ATG5: variants seen among roughly 807,000 people sequenced by gnomAD.
ATG5 encodes autophagy protein 5.
Under a neutral mutation model 36.5 loss-of-function variants are expected in ATG5, and 14 were observed. That is an observed-to-expected ratio of 0.38 (90% CI 0.25 to 0.60). The LOEUF is 0.60. ATG5 is among the 20% of genes least tolerant of loss of function. The probability of loss-of-function intolerance (pLI) is 0.60; values close to 1 mark genes in which losing one functional copy is unlikely to be tolerated. For missense variants in ATG5, 195 were observed against 326.7 expected (o/e 0.60, Z 3.11); for synonymous variants, 95 against 101.5 (o/e 0.94, Z 0.38).
intron 5 of ATG5, among the ~76,000 whole-genome samples, chr6:106,265,168 CAA>C (rs748718301): frequency 9.5e-4 from 54 of 56,704 alleles, no homozygotes; most frequent in East Asian, 1.5e-3. Flanking sequence ...AAATGGAAAG[CAA>C]AAAAAAAAAA....
intron 6 of ATG5, among the ~76,000 whole-genome samples, chr6:106,226,232 G>T (rs1777449110): frequency 6.6e-6 from 1 of 152,074 alleles, no homozygotes; most frequent in Admixed American, 6.5e-5. Flanking sequence ...TAACTTTAGG[G>T]GCCTGTGTGA....
chr6:106,193,658 C>G (rs1314164449), intron 7 of ATG5, among the ~76,000 whole-genome samples: 1 of 152,032 alleles, frequency 6.6e-6, no homozygotes, highest in Non-Finnish European at 1.5e-5. Context: ...CATAAATAAA[C>G]TTTGAAAACA....
intron 6 of ATG5, among the ~76,000 whole-genome samples, chr6:106,244,777 T>A (rs1339697253): frequency 6.6e-6 from 1 of 152,216 alleles, no homozygotes; most frequent in East Asian, 1.9e-4. Flanking sequence ...GGCAGGCAAA[T>A]ATGTGTGTAA....
chr6:106,314,437 A>G (rs1770764532), intron 2 of ATG5, among the ~76,000 whole-genome samples: 1 of 152,100 alleles, frequency 6.6e-6, no homozygotes, highest in African/African-American at 2.4e-5. Flanking sequence ...CATGCCTATA[A>G]TCCTAGTTAC....
intron 6 of ATG5, among the ~76,000 whole-genome samples, chr6:106,226,014 G>A (rs923510284): frequency 6.6e-6 from 1 of 152,112 alleles, no homozygotes; most frequent in Non-Finnish European, 1.5e-5. Context: ...AAACATCTAC[G>A]AAGGCCCTAA....
At chr6:106,250,272 C>A (rs569976291) in intron 5 of ATG5, among the ~76,000 whole-genome samples, 1 of 149,996 alleles carries the variant, frequency 6.7e-6, no homozygotes, top group African/African-American at 2.5e-5. Context: ...AAAATTTCTT[C>A]TTACACCCCT....
intron 5 of ATG5, among the ~76,000 whole-genome samples, chr6:106,269,729 G>A (rs1243527793): frequency 2.6e-5 from 4 of 152,200 alleles, no homozygotes; most frequent in African/African-American, 7.2e-5. Context: ...ACACCCACCC[G>A]GAACTCCAGC....
intron 7 of ATG5, among the ~76,000 whole-genome samples, chr6:106,194,501 GA>G (rs1275144318): frequency 1.3e-5 from 2 of 151,486 alleles, no homozygotes; most frequent in East Asian, 1.9e-4. Context: ...CAGCAAAGGA[GA>G]AAAAAATGTG....
chr6:106,225,133 C>A (rs925244018), intron 6 of ATG5, among the ~76,000 whole-genome samples: 1 of 152,116 alleles, frequency 6.6e-6, no homozygotes, highest in Non-Finnish European at 1.5e-5. Context: ...AAGGTATTAC[C>A]TCTAATTTTC....
At chr6:106,277,952 A>AT (rs911874488) in intron 5 of ATG5, among the ~76,000 whole-genome samples, 10 of 151,446 alleles carry the variant, frequency 6.6e-5, no homozygotes, top group South Asian at 6.3e-4. Context: ...TTTATTAATT[A>AT]TTTTTTTTTA....
rs1188590158 is a variant in ATG5, at chr6:106,184,586, T to C, written c.*1954A>G. On this transcript the variant is annotated 3_prime_UTR_variant, in exon 8 of 8. Transcript: ENST00000369076. Reference sequence around the variant, plus strand: ...CTGGTTTTACTCTTCCTCTAGGGCATTGTAGGCTTGACTTACCTGGGATTA... The same window carrying C: ...CTGGTTTTACTCTTCCTCTAGGGCACTGTAGGCTTGACTTACCTGGGATTA... 3.9e-5 allele frequency: 6 copies of C among 152,426 alleles called. No homozygotes were observed. Among genetic ancestry groups the C allele is most frequent in the African/African-American group, 7.2e-5 (3 of 41,568 alleles). 9.4% of individuals were successfully genotyped at this position (152,426 alleles called of 1,614,324 possible). A position where few individuals can be genotyped will look rare whatever the true frequency, so the allele number is the denominator to read the frequency against.
intron 7 of ATG5, among the ~76,000 whole-genome samples, chr6:106,188,875 A>C (rs567619414): frequency 6.6e-6 from 1 of 152,208 alleles, no homozygotes; most frequent in Non-Finnish European, 1.5e-5. Context: ...CACTGCCTAC[A>C]TATGTCCAAA....
chr6:106,256,829 T>C (rs1562240581), intron 5 of ATG5, among the ~76,000 whole-genome samples: 3 of 152,208 alleles, frequency 2.0e-5, no homozygotes, highest in African/African-American at 7.2e-5. Context: ...AGGACATTAC[T>C]ATACTCTACT....
chr6:106,320,977 T>C (rs1249097531), intron 1 of ATG5, among the ~76,000 whole-genome samples: 1 of 152,110 alleles, frequency 6.6e-6, no homozygotes, highest in Non-Finnish European at 1.5e-5. Context: ...GAGAAACAGA[T>C]GAGTCTTTCC....
intron 6 of ATG5, among the ~76,000 whole-genome samples, chr6:106,210,814 T>C (rs752534589): frequency 1.4e-4 from 21 of 151,688 alleles, no homozygotes; most frequent in Non-Finnish European, 2.6e-4. Context: ...GGTTATACAA[T>C]TAATTCATAT....
chr6:106,215,754 A>G (rs1777012217), intron 6 of ATG5, among the ~76,000 whole-genome samples: 1 of 152,168 alleles, frequency 6.6e-6, no homozygotes, highest in Non-Finnish European at 1.5e-5. Flanking sequence ...AGAAAAAAAC[A>G]GACAAACTGG....
chr6:106,259,242 T>A (rs1160759657), intron 5 of ATG5, among the ~76,000 whole-genome samples: 1 of 152,190 alleles, frequency 6.6e-6, no homozygotes, highest in Non-Finnish European at 1.5e-5. Context: ...TTACCTATAA[T>A]TGGCTTATTG....
chr6:106,260,441 A>C (rs1219203244), intron 5 of ATG5, among the ~76,000 whole-genome samples: 8 of 152,312 alleles, frequency 5.3e-5, no homozygotes, highest in African/African-American at 2.4e-5. Context: ...CCAGGAACTT[A>C]AGCATAGTCT....
At chr6:106,304,652 T>C (rs1445247331) in intron 3 of ATG5, among the ~76,000 whole-genome samples, 1 of 152,152 alleles carries the variant, frequency 6.6e-6, no homozygotes, top group Non-Finnish European at 1.5e-5. Context: ...ATCAGATCAG[T>C]AATTACTGTG....
Sources: gnomAD v4.1 joint callset for allele counts (sites outside exome capture counted in the v4.1 genomes callset) on GRCh38, gnomAD v4.1.1 for gene constraint, MANE v1.5 for transcripts, NCBI Gene and HGNC (gene_info 2026-07-23, HGNC 2026-07-21) for gene names.